The following HNRNPM variants were observed in gnomAD, a reference collection of about 807,000 sequenced individuals.
HNRNPM encodes heterogeneous nuclear ribonucleoprotein M, also known as CEA receptor.
Under a neutral mutation model 73.1 loss-of-function variants are expected in HNRNPM, and 11 were observed. That is an observed-to-expected ratio of 0.15 (90% CI 0.09 to 0.25). The LOEUF (loss-of-function observed/expected upper bound fraction) is 0.25. Among genes scored for constraint, HNRNPM ranks in the 10% least tolerant of loss-of-function variants. HNRNPM has a pLI of 1.00. For synonymous variants in HNRNPM, 407 were observed against 355.2 expected (o/e 1.15, Z -1.64); for missense variants, 789 against 1,067.9 (o/e 0.74, Z 3.64).
chr19:8,478,661 T>A (rs1970680792), intron 12 of HNRNPM, among the ~76,000 whole-genome samples: 1 of 152,242 alleles, frequency 6.6e-6, no homozygotes, highest in African/African-American at 2.4e-5. Context: ...AGTGTTTTAT[T>A]GCTATATCAG....
At position 8,485,971 on chromosome 19, in the gene HNRNPM, G is replaced by A. The variant is rs769408560; in HGVS notation, c.1543G>A (p.Val515Met). 33 of 1,605,464 alleles carry A rather than the reference G, an allele frequency of 2.1e-5. No homozygotes were observed. Among genetic ancestry groups the A allele is most frequent in the African/African-American group, 4.0e-5 (3 of 74,396 alleles). The change falls in exon 14 of 16, where the codon GTG becomes ATG. Residue 515 changes from valine to methionine, a missense_variant. This residue lies in a region of HNRNPM where 604 missense variants were observed against 744.0 expected (regional missense o/e 0.81). Transcript: ENST00000325495. ...GACCATTGAGCGCATGGGCTCTGGC[G>A]TGGAGCGCATGGGCCCTGCCATCGA... The part of the protein sequence containing the change: ...GQTIERMGSG[V>M]ERMGPAIERM...
intron 1 of HNRNPM, among the ~76,000 whole-genome samples, chr19:8,455,187 C>A (rs895290398): frequency 3.3e-5 from 5 of 151,968 alleles, no homozygotes; most frequent in African/African-American, 1.2e-4. Context: ...TGCTATGTTG[C>A]CCAGGCTAGT....
rs775415298 is a variant in HNRNPM, at chr19:8,465,469, A to G, written c.584A>G (p.His195Arg). 1.2e-6 allele frequency: 2 copies of G among 1,613,700 alleles called. No individual in the cohort carries two copies. Among genetic ancestry groups the G allele is most frequent in the African/African-American group, 1.3e-5 (1 of 75,048 alleles). ...NNPNIPNEIIHALQAGRLGST... is the reference protein window; with the variant it reads ...NNPNIPNEIIRALQAGRLGST... ...CCCAACATCCCAAATGAGATTATCC[A>G]TGCATTACAGGCTGGAAGACTTGGA... The change falls in exon 6 of 16, where the codon CAT (histidine) becomes CGT (arginine). Residue 195 changes from histidine (H) to arginine (R), a missense_variant. His to Arg is a conservative substitution (Grantham distance 29). This residue lies in a region of HNRNPM where 604 missense variants were observed against 744.0 expected (regional missense o/e 0.81). Transcript: ENST00000325495.
At chr19:8,465,023 G>C (rs1028328120) in intron 5 of HNRNPM, among the ~76,000 whole-genome samples, 1 of 152,130 alleles carries the variant, frequency 6.6e-6, no homozygotes, top group Non-Finnish European at 1.5e-5. Context: ...TCAGTCTGGC[G>C]GTTCTACATT....
chr19:8,474,844 A>G (rs1390790413), intron 12 of HNRNPM, among the ~76,000 whole-genome samples: 1 of 151,626 alleles, frequency 6.6e-6, no homozygotes, highest in East Asian at 1.9e-4. Flanking sequence ...CCTCCTGAGT[A>G]GCTGGTATTA....
chr19:8,451,135 G>T (rs1244626238), intron 1 of HNRNPM, among the ~76,000 whole-genome samples: 1 of 152,058 alleles, frequency 6.6e-6, no homozygotes, highest in African/African-American at 2.4e-5. Context: ...TCAAACTCCT[G>T]ACCTAAGATA....
chr19:8,480,642 G>A (rs1166575144), intron 12 of HNRNPM, among the ~76,000 whole-genome samples: 3 of 151,136 alleles, frequency 2.0e-5, no homozygotes, highest in South Asian at 2.1e-4. Flanking sequence ...TAGCCTGGGC[G>A]ACAGAGTGAG....
Position 8,445,018 on chromosome 19 carries a change from C to T in HNRNPM, c.20C>T (p.Ala7Val), listed in dbSNP as rs765426078. 29 of 1,423,944 alleles carry T rather than the reference C, an allele frequency of 2.0e-5. No homozygotes were observed. Among genetic ancestry groups the T allele is most frequent in the African/African-American group, 3.0e-5 (2 of 66,728 alleles). 88.2% of individuals were successfully genotyped at this position (1,423,944 alleles called of 1,614,324 possible). Residue 7 changes from alanine (A) to valine (V), a missense_variant, in exon 1 of 16, where the codon GCG becomes GTG. Physicochemically the swap from Ala to Val is moderately conservative, Grantham distance 64. Around this residue, in one of 4 missense-constraint regions of HNRNPM, gnomAD observed 79 missense variants for 70.7 expected, o/e 1.12. Transcript: ENST00000325495. MAAGVE[A>V]AAEVAATEIK... is the part of the protein sequence containing the mutation. ...GAGAAAATGGCGGCAGGGGTCGAAG[C>T]GGCGGCGGAGGTGGCGGCGACGGAG...
chr19:8,465,501 G>C lies in HNRNPM; in HGVS notation c.616G>C (p.Val206Leu). 6.2e-7 allele frequency: 1 copy of C among 1,606,022 alleles called. No homozygotes were observed. Among genetic ancestry groups the C allele is most frequent in the Non-Finnish European group, 8.5e-7 (1 of 1,175,732 alleles). Reference protein sequence around the residue: ...ALQAGRLGSTVFVANLDYKVG... With the variant: ...ALQAGRLGSTLFVANLDYKVG... ...ACAGGCTGGAAGACTTGGAAGCACAGTATTTGTAGCAAATGTAAGTAAACA... is the reference window on the plus strand; with the variant it reads ...ACAGGCTGGAAGACTTGGAAGCACACTATTTGTAGCAAATGTAAGTAAACA... Residue 206 changes from valine to leucine, a missense_variant, in exon 6 of 16, where the codon GTA (valine) becomes CTA (leucine). Transcript: ENST00000325495.
At chr19:8,463,327 G>A (rs1969516542) in intron 3 of HNRNPM, among the ~76,000 whole-genome samples, 170 bp from the exon 4 acceptor site, 1 of 152,216 alleles carries the variant, frequency 6.6e-6, no homozygotes, top group Non-Finnish European at 1.5e-5. Flanking sequence ...AGGAAGGCGA[G>A]GCGAGGCACT....
In HNRNPM at chr19:8,445,100, G is replaced by C; in HGVS notation, c.102G>C (p.Pro34=). The C allele has an allele frequency of 7.1e-7, 1 of 1,408,422 alleles. No individual in the cohort carries two copies. Among genetic ancestry groups the C allele is most frequent in the Non-Finnish European group, 9.3e-7 (1 of 1,079,262 alleles). The allele number at this position is 1,408,422 out of a possible 1,614,324, so 87.2% of individuals were successfully genotyped here. ...GCGTGCCGAGCGGCAACGGGGCTCC[G>C]GGCCCTAAGGGGTGAGTATCCCACG... ...APGVPSGNGA[P]GPKGEGERPA... The change falls in exon 1 of 16, where the codon CCG becomes CCC. Residue 34 remains proline (P), a synonymous_variant. Coordinates refer to ENST00000325495, the MANE Select transcript of HNRNPM (RefSeq NM_005968.5).
intron 1 of HNRNPM, among the ~76,000 whole-genome samples, chr19:8,455,036 G>A (rs1184311338): frequency 6.6e-6 from 1 of 152,052 alleles, no homozygotes. Flanking sequence ...GTGCAGTAGG[G>A]TGATCATAGT....
chr19:8,449,295 G>A (rs951521908), intron 1 of HNRNPM, among the ~76,000 whole-genome samples: 1 of 151,978 alleles, frequency 6.6e-6, no homozygotes, highest in Non-Finnish European at 1.5e-5. Flanking sequence ...TTTTGGGAGG[G>A]GGGGTTCTCC....
intron 2 of HNRNPM, among the ~76,000 whole-genome samples, chr19:8,458,356 A>G (rs1969166414): frequency 6.6e-6 from 1 of 152,270 alleles, no homozygotes; most frequent in Non-Finnish European, 1.5e-5. Flanking sequence ...AAAGGGATAC[A>G]CATCTTAAAG....
At chr19:8,479,553 G>T (rs766682047) in intron 12 of HNRNPM, among the ~76,000 whole-genome samples, 29 of 151,910 alleles carry the variant, frequency 1.9e-4, no homozygotes, top group Non-Finnish European at 5.9e-5. Context: ...GCAGGCTGAA[G>T]CAATCCTCCT....
At chr19:8,450,733 T>TATTA (rs1568258195) in intron 1 of HNRNPM, among the ~76,000 whole-genome samples, 3 of 90,264 alleles carry the variant, frequency 3.3e-5, no homozygotes, top group African/African-American at 1.1e-4. Flanking sequence ...TATTATTTTT[T>TATTA]TTTTTTTTGA....
rs1971249032 is a variant in HNRNPM, at chr19:8,485,848, C to A, written c.1420C>A (p.Gln474Lys). 6.2e-7 allele frequency: 1 copy of A among 1,603,010 alleles called. No homozygotes were observed. Among genetic ancestry groups the A allele is most frequent in the Admixed American group, 1.7e-5 (1 of 59,886 alleles). ...HMASSIERMG[Q>K]TMERIGSGVE... is the part of the protein sequence containing the mutation. ...GGCCTCCAGCATTGAGCGCATGGGCCAGACCATGGAGCGCATTGGCTCTGG... is the reference window on the plus strand; with the variant it reads ...GGCCTCCAGCATTGAGCGCATGGGCAAGACCATGGAGCGCATTGGCTCTGG... Residue 474 changes from glutamine to lysine, a missense_variant, in exon 14 of 16, where the codon CAG (glutamine) becomes AAG (lysine). Transcript: ENST00000325495.
intron 5 of HNRNPM, among the ~76,000 whole-genome samples, chr19:8,464,460 C>G (rs1969604822): frequency 6.6e-6 from 1 of 151,936 alleles, no homozygotes; most frequent in South Asian, 2.1e-4. Context: ...ATGGTGAAAC[C>G]CTGTCTACTA....
At chr19:8,474,962 G>A (rs1325400477) in intron 12 of HNRNPM, among the ~76,000 whole-genome samples, 13 of 152,114 alleles carry the variant, frequency 8.5e-5, no homozygotes, top group Admixed American at 5.9e-4. Context: ...TGATCCGCCC[G>A]CCTCAGCCTC....
Sources: allele counts gnomAD v4.1 joint callset (sites outside exome capture counted in the v4.1 genomes callset), GRCh38; gene constraint gnomAD v4.1.1; regional missense constraint gnomAD v4.1.1; transcripts MANE v1.5; gene names NCBI Gene and HGNC (gene_info 2026-07-23, HGNC 2026-07-21).